Variants in CNTNAP2 observed in about 807,000 individuals in gnomAD.
CNTNAP2 encodes contactin-associated protein-like 2.
CNTNAP2 carries 98 observed loss-of-function variants against 155.2 expected under a neutral mutation model. The ratio of observed to expected loss-of-function variants is 0.63; its 90% CI spans 0.54 to 0.75. CNTNAP2 has a LOEUF of 0.75. Among genes scored for constraint, CNTNAP2 ranks in the 30% least tolerant of loss-of-function variants. The pLI is 0.00. For missense variants in CNTNAP2, 1,727 were observed against 1,688.1 expected, an observed-to-expected ratio of 1.02 and a Z score of -0.40; for synonymous variants, 651 against 631.2, an observed-to-expected ratio of 1.03 and a Z score of -0.47.
At chr7:147,436,778 A>G (rs2116539623) in intron 10 of CNTNAP2, among the ~76,000 whole-genome samples, 1 of 152,324 alleles carries the variant, frequency 6.6e-6, no homozygotes, top group Non-Finnish European at 1.5e-5. Flanking sequence ...AGGTAGTTTT[A>G]CAACTTAGAG....
At chr7:147,205,717 T>A (rs765959792) in intron 8 of CNTNAP2, among the ~76,000 whole-genome samples, 1 of 149,938 alleles carries the variant, frequency 6.7e-6, no homozygotes, top group Non-Finnish European at 1.5e-5. Flanking sequence ...AGGGTGATAG[T>A]AAGATGATAC....
At chr7:146,937,364 A>AAAAAAAAT (rs1554412069) in intron 3 of CNTNAP2, among the ~76,000 whole-genome samples, 47 of 147,278 alleles carry the variant, frequency 3.2e-4, no homozygotes, top group Non-Finnish European at 5.5e-4. Context: ...AAAAAAAAAT[A>AAAAAAAAT]AAAATAAAAT....
chr7:148,374,914 G>C (rs1458321777), intron 21 of CNTNAP2, among the ~76,000 whole-genome samples: 1 of 152,190 alleles, frequency 6.6e-6, no homozygotes, highest in Non-Finnish European at 1.5e-5. Context: ...TCTGTGGTTT[G>C]AGTGACAGGT....
chr7:146,843,861 G>A (rs1803792679), intron 3 of CNTNAP2, among the ~76,000 whole-genome samples: 1 of 152,014 alleles, frequency 6.6e-6, no homozygotes, highest in Non-Finnish European at 1.5e-5. Flanking sequence ...GAGAAGATTG[G>A]ATGGCTTTTT....
chr7:146,584,839 G>A (rs1230905943), intron 1 of CNTNAP2, among the ~76,000 whole-genome samples: 3 of 152,126 alleles, frequency 2.0e-5, no homozygotes, highest in African/African-American at 4.8e-5. Context: ...CACTTTTGGG[G>A]TTGTAGGCTG....
chr7:146,591,667 C>G (rs1261541111), intron 1 of CNTNAP2, among the ~76,000 whole-genome samples: 1 of 152,120 alleles, frequency 6.6e-6, no homozygotes, highest in South Asian at 2.1e-4. Flanking sequence ...TTATTGGCTT[C>G]TTTTTCCCAA....
chr7:148,171,337 T>G (rs1805789980), intron 17 of CNTNAP2, among the ~76,000 whole-genome samples: 1 of 152,194 alleles, frequency 6.6e-6, no homozygotes, highest in Non-Finnish European at 1.5e-5. Context: ...CTACTATTCA[T>G]TTTAGATTAG....
chr7:146,131,712 C>T (rs983267690), intron 1 of CNTNAP2, among the ~76,000 whole-genome samples: 3 of 152,134 alleles, frequency 2.0e-5, no homozygotes, highest in South Asian at 2.1e-4. Flanking sequence ...ATAAAATAAA[C>T]AATAACCAGC....
Position 146,584,613 on chromosome 7 carries a change from A to G in CNTNAP2, c.98-189658A>G, listed in dbSNP as rs186505160. Among the ~76,000 whole-genome samples the G allele has an allele frequency of 2.6e-5, 4 of 152,286 alleles. No individual in the cohort carries two copies. The East Asian group carries it at 5.8e-4, about 22-fold the overall frequency. ...TTCACATCCTCGCACTACATCATTCATCAGAAGAGAGTGCATTATTTCCAT... is the reference window on the plus strand; with the variant it reads ...TTCACATCCTCGCACTACATCATTCGTCAGAAGAGAGTGCATTATTTCCAT... On this transcript the variant is annotated intron_variant, in intron 1 of 23. Coordinates refer to ENST00000361727, the MANE Select transcript of CNTNAP2 (RefSeq NM_014141.6).
intron 3 of CNTNAP2, among the ~76,000 whole-genome samples, chr7:146,985,364 C>T (rs1251844809): frequency 7.2e-6 from 1 of 138,634 alleles, no homozygotes; most frequent in African/African-American, 2.8e-5. Context: ...GTCTCCCAGG[C>T]TGAAGTGCAG....
rs145042154 is a variant in CNTNAP2 at position 147,356,881 on chromosome 7, G to C, written c.1499-38728G>C. ...TCTCTTTTCTTTGAGGCTGTGTCTT[G>C]AGCAAAGTTTTACTGCAAGTTGGAA... On this transcript the variant is annotated intron_variant, in intron 9 of 23. Coordinates refer to ENST00000361727, the MANE Select transcript of CNTNAP2 (RefSeq NM_014141.6). Among the ~76,000 whole-genome samples, 12 of 152,132 alleles carry C rather than the reference G, an allele frequency of 7.9e-5. No individual in the cohort carries two copies. The East Asian group carries it at 1.4e-3, about 17-fold the overall frequency.
At chr7:146,837,798 T>C (rs1803646772) in intron 2 of CNTNAP2, among the ~76,000 whole-genome samples, 1 of 152,164 alleles carries the variant, frequency 6.6e-6, no homozygotes, top group Non-Finnish European at 1.5e-5. Flanking sequence ...GACTAAAATA[T>C]CCCTACATAT....
intron 13 of CNTNAP2, among the ~76,000 whole-genome samples, chr7:147,663,047 G>A (rs1156602837): frequency 6.6e-6 from 1 of 152,166 alleles, no homozygotes; most frequent in African/African-American, 2.4e-5. Flanking sequence ...CGCCCAGGCT[G>A]GAGTGCAGTG....
chr7:147,728,867 T>A (rs1282066233), intron 13 of CNTNAP2, among the ~76,000 whole-genome samples: 3 of 151,828 alleles, frequency 2.0e-5, no homozygotes, highest in Admixed American at 1.3e-4. Flanking sequence ...TAAATCTGGT[T>A]TTTATACCAA....
chr7:147,458,849 A>T (rs1342196074), intron 10 of CNTNAP2, among the ~76,000 whole-genome samples: 2 of 152,246 alleles, frequency 1.3e-5, no homozygotes, highest in African/African-American at 4.8e-5. Context: ...TTTTAAAAGT[A>T]TGGAGCTGGC....
chr7:147,196,941 G>A (rs1331413090), intron 8 of CNTNAP2, among the ~76,000 whole-genome samples: 1 of 152,020 alleles, frequency 6.6e-6, no homozygotes, highest in African/African-American at 2.4e-5. Flanking sequence ...AGGAGAATAG[G>A]GTCTGGAGGC....
intron 14 of CNTNAP2, among the ~76,000 whole-genome samples, chr7:147,960,199 C>A (rs559359528): frequency 9.9e-5 from 15 of 152,090 alleles, no homozygotes; most frequent in Non-Finnish European, 1.8e-4. Flanking sequence ...AGTGTTCCTG[C>A]ATGGGTGAGG....
At chr7:146,731,057 A>G (rs1316561512) in intron 1 of CNTNAP2, among the ~76,000 whole-genome samples, 1 of 152,190 alleles carries the variant, frequency 6.6e-6, no homozygotes, top group African/African-American at 2.4e-5. Flanking sequence ...TGTAGCACAA[A>G]CTTGTATTTT....
intron 13 of CNTNAP2, among the ~76,000 whole-genome samples, chr7:147,654,749 A>G (rs1795499230): frequency 6.6e-6 from 1 of 151,124 alleles, no homozygotes; most frequent in South Asian, 2.1e-4. Flanking sequence ...AATGTAGTTT[A>G]CTCAGATCCA....
Sources: allele counts gnomAD v4.1 joint callset (sites outside exome capture counted in the v4.1 genomes callset), GRCh38; gene constraint gnomAD v4.1.1; transcripts MANE v1.5; gene names NCBI Gene and HGNC (gene_info 2026-07-23, HGNC 2026-07-21).